FCF1: variants seen among roughly 807,000 people sequenced by gnomAD.
The protein encoded by FCF1 is FCF1 rRNA-processing protein.
Under a neutral mutation model 32.5 loss-of-function variants are expected in FCF1, and 17 were observed. The ratio of observed to expected loss-of-function variants is 0.52; its 90% CI spans 0.36 to 0.78. FCF1 has a LOEUF of 0.78. FCF1 is among the 30% of genes least tolerant of loss of function. The pLI is 0.00. For missense variants in FCF1, 201 were observed against 241.1 expected, an observed-to-expected ratio of 0.83 and a Z score of 1.10; for synonymous variants, 84 against 78.4, an observed-to-expected ratio of 1.07 and a Z score of -0.38.
At chr14:74,720,909 C>T (rs1370966232) in intron 4 of FCF1, among the ~76,000 whole-genome samples, 2 of 144,792 alleles carry the variant, frequency 1.4e-5, no homozygotes, top group African/African-American at 5.1e-5. Flanking sequence ...GACAGGCTGT[C>T]ACTCTGTCAC....
chr14:74,717,111 G>A (rs1467930775), intron 4 of FCF1, among the ~76,000 whole-genome samples: 1 of 152,176 alleles, frequency 6.6e-6, no homozygotes, highest in Non-Finnish European at 1.5e-5. Flanking sequence ...TGTAATGCCA[G>A]CACTTTGGGA....
chr14:74,724,221 A>G (rs2090545763), intron 5 of FCF1, among the ~76,000 whole-genome samples: 1 of 152,186 alleles, frequency 6.6e-6, no homozygotes, highest in South Asian at 2.1e-4. Context: ...ATCACATTCT[A>G]CAGGTAATTA....
chr14:74,714,826 G>C (rs1414173943), intron 2 of FCF1, 46 bp from the exon 3 acceptor site: 2 of 1,510,574 alleles, frequency 1.3e-6, no homozygotes, highest in East Asian at 4.8e-5. Context: ...TTTAATTGCT[G>C]TGGTTTTTCT....
chr14:74,715,944 C>T lies in FCF1; in HGVS notation c.144-7C>T. The stretch of plus-strand genomic sequence containing the variant: ...TTTTCTTTGTTCTTGTTTTCTTTTT[C>T]CTTCAGTCCCCAACACCCTTCCTGC... On this transcript the variant is annotated splice_region_variant and splice_polypyrimidine_tract_variant and intron_variant, in intron 3 of 7. Transcript: ENST00000341162. 6.2e-7 allele frequency: 1 copy of T among 1,611,540 alleles called. No individual in the cohort carries two copies. The highest frequency in any genetic ancestry group is 8.5e-7 in the Non-Finnish European group (1 of 1,179,132).
chr14:74,734,953 T>C lies in FCF1; in HGVS notation c.*23T>C, dbSNP rs755799836. The C allele has an allele frequency of 1.7e-5, 27 of 1,606,646 alleles. No homozygotes were observed. The highest frequency in any genetic ancestry group is 4.0e-5 in the African/African-American group (3 of 74,740). On this transcript the variant is annotated 3_prime_UTR_variant, in exon 8 of 8. Transcript: ENST00000341162. ...TAATTCTTACAAGACACAGTTCCTC[T>C]GCCTTTCTTCGACCAACTTTCTCTT...
intron 5 of FCF1, among the ~76,000 whole-genome samples, chr14:74,726,315 A>G (rs1488429174): frequency 1.3e-5 from 2 of 150,342 alleles, no homozygotes; most frequent in African/African-American, 4.9e-5. Flanking sequence ...AGTGAGACCC[A>G]ATGTCTATGA....
At chr14:74,723,376 A>G (rs1464475876) in intron 5 of FCF1, 32 bp downstream of exon 5, 13 of 1,434,986 alleles carry the variant, frequency 9.1e-6, no homozygotes, top group Non-Finnish European at 1.2e-5. Flanking sequence ...TCTGTTCTAG[A>G]TTGGTATACT....
At chr14:74,714,842 C>T (rs1390257968) in intron 2 of FCF1, 30 bp from the exon 3 acceptor site, 2 of 1,531,798 alleles carry the variant, frequency 1.3e-6, no homozygotes, top group East Asian at 2.3e-5. Flanking sequence ...TTTCTTCTCC[C>T]TTGGATTTAA....
chr14:74,725,752 G>A (rs1238235648), intron 5 of FCF1, among the ~76,000 whole-genome samples: 1 of 151,946 alleles, frequency 6.6e-6, no homozygotes, highest in African/African-American at 2.4e-5. Flanking sequence ...GGCTAACACG[G>A]TGAAACCCTG....
At position 74,738,471 on chromosome 14, in the gene FCF1, A is replaced by C. The variant is rs2090726201; in HGVS notation, c.*3541A>C. ...GCAAGACACTCCCCTCCCCTAAAAA[A>C]CAAGTGACTGATGAGATTTTCCAAT... On this transcript the variant is annotated 3_prime_UTR_variant, in exon 8 of 8. Coordinates refer to ENST00000341162, the MANE Select transcript of FCF1 (RefSeq NM_015962.5). 6.6e-6 allele frequency: 1 copy of C among 152,224 alleles called. No homozygotes were observed. The highest frequency in any genetic ancestry group is 1.5e-5 in the Non-Finnish European group (1 of 68,044). 9.4% of individuals were successfully genotyped at this position (152,224 alleles called of 1,614,324 possible).
intron 4 of FCF1, among the ~76,000 whole-genome samples, chr14:74,721,179 G>A (rs2090497325): frequency 6.6e-6 from 1 of 151,830 alleles, no homozygotes; most frequent in African/African-American, 2.4e-5. Context: ...TGAGTATCTG[G>A]GACTACAGGC....
At chr14:74,716,945 A>G (rs2140019978) in intron 4 of FCF1, among the ~76,000 whole-genome samples, 1 of 152,332 alleles carries the variant, frequency 6.6e-6, no homozygotes, top group South Asian at 2.1e-4. Context: ...TTGTTTACTG[A>G]TTTATTAAAA....
In FCF1 at chr14:74,737,685, A is replaced by C. The variant is rs1364557224; in HGVS notation, c.*2755A>C. On this transcript the variant is annotated 3_prime_UTR_variant, in exon 8 of 8. Transcript: ENST00000341162. ...TTACACAATGGCAAGGTGGCTATCC[A>C]TTTGAAAAAAAATTAGGCCGGGCGT... The C allele has an allele frequency of 6.6e-6, 1 of 152,154 alleles. No homozygotes were observed. The highest frequency in any genetic ancestry group is 1.5e-5 in the Non-Finnish European group (1 of 68,036). 9.4% of individuals were successfully genotyped at this position (152,154 alleles called of 1,614,324 possible).
chr14:74,717,074 A>G (rs1221521299), intron 4 of FCF1, among the ~76,000 whole-genome samples: 1 of 152,114 alleles, frequency 6.6e-6, no homozygotes, highest in Non-Finnish European at 1.5e-5. Flanking sequence ...CATACCTGTA[A>G]TCCCAGCACT....
rs1191171061 is a variant in FCF1 at position 74,721,010 on chromosome 14, C to T, written c.293-2262C>T. On this transcript the variant is annotated intron_variant, in intron 4 of 7. Transcript: ENST00000341162. ...TCTCATGCCTCAGCCTCCCAGTAGC[C>T]GGGATTGCAGGTGTGTTCCACCACA... Among the ~76,000 whole-genome samples the T allele has an allele frequency of 6.6e-5, 10 of 150,840 alleles. No individual in the cohort carries two copies. In the South Asian group the frequency reaches 8.4e-4, roughly 13 times the overall value.
chr14:74,734,979 G>A lies in FCF1; in HGVS notation c.*49G>A, dbSNP rs766766176. The A allele has an allele frequency of 1.4e-6, 2 of 1,476,586 alleles. No individual in the cohort carries two copies. Among genetic ancestry groups the A allele is most frequent in the African/African-American group, 2.8e-5 (2 of 72,106 alleles). The allele number at this position is 1,476,586 out of a possible 1,614,324, so 91.5% of individuals were successfully genotyped here. A position where few individuals can be genotyped will look rare whatever the true frequency, so the allele number is the denominator to read the frequency against. ...GCCTTTCTTCGACCAACTTTCTCTT[G>A]TTGCCAGTTCATTACACAAAATGTA... On this transcript the variant is annotated 3_prime_UTR_variant, in exon 8 of 8. Coordinates refer to ENST00000341162, the MANE Select transcript of FCF1 (RefSeq NM_015962.5).
chr14:74,728,228 A>T (rs1302706842), intron 5 of FCF1, among the ~76,000 whole-genome samples: 1 of 152,170 alleles, frequency 6.6e-6, no homozygotes, highest in African/African-American at 2.4e-5. Context: ...GATTCTTCCT[A>T]TCCATGAGCA....
chr14:74,713,419 A>G, intron 1 of FCF1, 66 bp from the exon 2 acceptor site: 1 of 1,566,606 alleles, frequency 6.4e-7, no homozygotes, highest in Non-Finnish European at 8.7e-7. Context: ...AGACAAGAGA[A>G]AAGAAGAGAC....
rs557312917 is a variant in FCF1 at position 74,726,508 on chromosome 14, G to A, written c.365+3164G>A. On this transcript the variant is annotated intron_variant, in intron 5 of 7. Coordinates refer to ENST00000341162, the MANE Select transcript of FCF1 (RefSeq NM_015962.5). ...AAGAACAATGCTGAGCACTGTTAACGCACATCTGTAGTTCCAGTTACTTGG... is the reference window on the plus strand; with the variant it reads ...AAGAACAATGCTGAGCACTGTTAACACACATCTGTAGTTCCAGTTACTTGG... 4.0e-5 allele frequency among the ~76,000 whole-genome samples: 6 copies of A among 151,356 alleles called. No individual in the cohort carries two copies. The East Asian group carries it at 5.8e-4, about 15-fold the overall frequency.
Sources: allele counts gnomAD v4.1 joint callset (sites outside exome capture counted in the v4.1 genomes callset), GRCh38; gene constraint gnomAD v4.1.1; transcripts MANE v1.5; gene names NCBI Gene and HGNC (gene_info 2026-07-23, HGNC 2026-07-21).